The following PRKCH variants were observed in gnomAD, a reference collection of about 807,000 sequenced individuals.
The protein encoded by PRKCH is protein kinase C eta type.
PRKCH carries 28 observed loss-of-function variants against 82.5 expected under a neutral mutation model. That is an observed-to-expected ratio of 0.34 (90% CI 0.25 to 0.47). The LOEUF is 0.47. PRKCH is among the 20% of genes least tolerant of loss of function. The pLI is 1.00. For synonymous variants in PRKCH, 322 were observed against 327.4 expected (o/e 0.98, Z 0.18); for missense variants, 705 against 881.8 (o/e 0.80, Z 2.54).
chr14:61,467,357 A>C (rs1040831098), intron 9 of PRKCH, among the ~76,000 whole-genome samples: 30 of 152,198 alleles, frequency 2.0e-4, no homozygotes, highest in Non-Finnish European at 3.5e-4. Context: ...TGGCTTCAAC[A>C]TGTGGGGTCG....
intron 9 of PRKCH, among the ~76,000 whole-genome samples, chr14:61,472,465 T>G: frequency 6.6e-6 from 1 of 152,196 alleles, no homozygotes; most frequent in East Asian, 1.9e-4. Flanking sequence ...GCAAAATGTT[T>G]CCCAACCAGC....
chr14:61,527,989 T>G (rs1195921437), intron 10 of PRKCH: 2 of 152,142 alleles, frequency 1.3e-5, no homozygotes, highest in Non-Finnish European at 2.9e-5. Flanking sequence ...TAGAAGGAAT[T>G]GTTCTCTCTT....
chr14:61,279,946 G>A lies in PRKCH; in HGVS notation c.-19+92278G>A, dbSNP rs898019881. On this transcript the variant is annotated intron_variant, in intron 1 of 3. Transcript: ENST00000555185. ...TCTAGCAGCCCCCCAAGAGCAAGGGGGGTAATTCCCTTATCTGGTCCCCTC... is the reference window on the plus strand; with the variant it reads ...TCTAGCAGCCCCCCAAGAGCAAGGGAGGTAATTCCCTTATCTGGTCCCCTC... 20 of 696,278 alleles carry A rather than the reference G, an allele frequency of 2.9e-5. 1 individual carries two copies. Among genetic ancestry groups the A allele is most frequent in the Middle Eastern group, 8.2e-4 (2 of 2,452 alleles). The allele number at this position is 696,278 out of a possible 1,614,324, so 43.1% of individuals were successfully genotyped here.
rs1038241149 is a variant in PRKCH, at chr14:61,549,931, A to T, written c.*100A>T. 9 of 1,324,276 alleles carry T rather than the reference A, an allele frequency of 6.8e-6. No individual in the cohort carries two copies. In the Admixed American group the frequency reaches 2.0e-4, roughly 30 times the overall value. The allele number at this position is 1,324,276 out of a possible 1,614,324, so 82.0% of individuals were successfully genotyped here. A position where few individuals can be genotyped will look rare whatever the true frequency, so the allele number is the denominator to read the frequency against. ...CCTTCCCAGCATCAGCCTTAGAACAAGAACCTTACCTTCAAGGAGCAAGTG... is the reference window on the plus strand; with the variant it reads ...CCTTCCCAGCATCAGCCTTAGAACATGAACCTTACCTTCAAGGAGCAAGTG... On this transcript the variant is annotated 3_prime_UTR_variant, in exon 14 of 14. Transcript: ENST00000332981.
At chr14:61,417,440 T>C (rs1430911837) in intron 2 of PRKCH, among the ~76,000 whole-genome samples, 1 of 152,238 alleles carries the variant, frequency 6.6e-6, no homozygotes, top group Non-Finnish European at 1.5e-5. Context: ...CTTAGTGGTT[T>C]CTAACCCTTT....
intron 10 of PRKCH, among the ~76,000 whole-genome samples, chr14:61,514,573 A>G (rs373450197): frequency 9.5e-4 from 144 of 152,216 alleles, no homozygotes; most frequent in African/African-American, 3.1e-3. Context: ...GATGGGTCCC[A>G]GGGTCCCAGC....
chr14:61,311,472 A>G (rs565812555), intron 1 of PRKCH, among the ~76,000 whole-genome samples: 15 of 152,248 alleles, frequency 9.9e-5, no homozygotes, highest in African/African-American at 3.6e-4. Context: ...GGCTCCAACC[A>G]TTCAACAAGT....
chr14:61,217,061 C>T (rs1313735203), intron 1 of PRKCH, among the ~76,000 whole-genome samples: 1 of 152,138 alleles, frequency 6.6e-6, no homozygotes, highest in Non-Finnish European at 1.5e-5. Flanking sequence ...GCACCCTTTA[C>T]TAAAAGTGAG....
At position 61,322,075 on chromosome 14, in the gene PRKCH, C is replaced by T. The variant is rs2045632190; in HGVS notation, c.-27C>T. ...TCTCCCGCTGCGAAGCAGCGCGGCC[C>T]CCCGGGGCCGGGGCAGCGGCGCCGG... On this transcript the variant is annotated 5_prime_UTR_variant, in exon 1 of 14. Coordinates refer to ENST00000332981, the MANE Select transcript of PRKCH (RefSeq NM_006255.5). The T allele has an allele frequency of 2.0e-6, 3 of 1,516,234 alleles. No individual in the cohort carries two copies. The highest frequency in any genetic ancestry group is 2.5e-5 in the East Asian group (1 of 40,212). 93.9% of individuals were successfully genotyped at this position (1,516,234 alleles called of 1,614,324 possible). A position where few individuals can be genotyped will look rare whatever the true frequency, so the allele number is the denominator to read the frequency against.
intron 1 of PRKCH, among the ~76,000 whole-genome samples, chr14:61,193,996 T>G (rs905592704): frequency 5.3e-5 from 8 of 152,168 alleles, no homozygotes; most frequent in African/African-American, 1.9e-4. Flanking sequence ...TGGGTTTAGA[T>G]CTACCACTGT....
chr14:61,513,426 G>A (rs145342759), intron 10 of PRKCH, among the ~76,000 whole-genome samples: 33 of 152,206 alleles, frequency 2.2e-4, no homozygotes, highest in South Asian at 8.3e-4. Flanking sequence ...GAGCACAGGC[G>A]GAGAGACACC....
intron 1 of PRKCH, among the ~76,000 whole-genome samples, chr14:61,339,743 G>A (rs1361653337): frequency 6.9e-6 from 1 of 143,954 alleles, no homozygotes; most frequent in Non-Finnish European, 1.5e-5. Context: ...GTGCAGTGGC[G>A]CAATCTCAGC....
chr14:61,487,971 C>G (rs1269308743), intron 10 of PRKCH, among the ~76,000 whole-genome samples: 1 of 151,992 alleles, frequency 6.6e-6, no homozygotes, highest in Non-Finnish European at 1.5e-5. Flanking sequence ...GGCTAACACC[C>G]TGAAACCCTG....
At chr14:61,353,058 A>C (rs941203726) in intron 1 of PRKCH, among the ~76,000 whole-genome samples, 3 of 152,226 alleles carry the variant, frequency 2.0e-5, no homozygotes, top group Admixed American at 1.3e-4. Flanking sequence ...ACATTGCCTT[A>C]TGTCAGTTCA....
chr14:61,475,234 A>G (rs1885678529), intron 9 of PRKCH, among the ~76,000 whole-genome samples: 1 of 152,268 alleles, frequency 6.6e-6, no homozygotes, highest in Non-Finnish European at 1.5e-5. Flanking sequence ...AAAGCTTTAT[A>G]AAGAGAATTT....
upstream of PRKCH, among the ~76,000 whole-genome samples, chr14:61,319,996 A>G (rs1436604229): frequency 6.6e-6 from 1 of 152,164 alleles, no homozygotes; most frequent in East Asian, 1.9e-4. Flanking sequence ...TCAATTAGAA[A>G]GTTCTGAACA....
intron 11 of PRKCH, among the ~76,000 whole-genome samples, chr14:61,529,533 A>G (rs2140006486): frequency 6.6e-6 from 1 of 152,098 alleles, no homozygotes; most frequent in East Asian, 1.9e-4. Flanking sequence ...AGACTGGATT[A>G]AGAAAATGTG....
In PRKCH at chr14:61,207,201, C is replaced by T. The variant is rs562405264; in HGVS notation, c.-19+19533C>T. On this transcript the variant is annotated intron_variant, in intron 1 of 3. Transcript: ENST00000555185. ...TTCCTGGGGTAGCACTACCTGCCCA[C>T]AATAGAAAGGATGCTTATATGGCAG... Among the ~76,000 whole-genome samples, 7 of 94,394 alleles carry T rather than the reference C, an allele frequency of 7.4e-5. No individual in the cohort carries two copies. In the East Asian group the frequency reaches 2.1e-3, roughly 29 times the overall value. 61.9% of individuals were successfully genotyped at this position (94,394 alleles called of 152,430 possible).
At chr14:61,512,145 G>C (rs575582718) in intron 10 of PRKCH, among the ~76,000 whole-genome samples, 2 of 151,870 alleles carry the variant, frequency 1.3e-5, no homozygotes, top group South Asian at 2.1e-4. Flanking sequence ...CAAACTCTAC[G>C]TGAGCATAGG....
Sources: allele counts gnomAD v4.1 joint callset (sites outside exome capture counted in the v4.1 genomes callset), GRCh38; gene constraint gnomAD v4.1.1; transcripts MANE v1.5; gene names NCBI Gene and HGNC (gene_info 2026-07-23, HGNC 2026-07-21).